HTR1D: variants seen among roughly 807,000 people sequenced by gnomAD.
The protein encoded by HTR1D is 5-HT-1D.
Under a neutral mutation model 21.1 loss-of-function variants are expected in HTR1D, and 18 were observed. That is an observed-to-expected ratio of 0.85 (90% CI 0.59 to 1.27). HTR1D has a LOEUF of 1.27. HTR1D is among the 50% of genes most tolerant of loss of function. HTR1D has a pLI of 0.00. For missense variants in HTR1D, 456 were observed against 481.4 expected (o/e 0.95, Z 0.49); for synonymous variants, 196 against 204.4 (o/e 0.96, Z 0.35).
Position 23,203,219 on chromosome 1 carries a change from TGGGTATG to T in HTR1D, c.-782-8225_-782-8219del, listed in dbSNP as rs572226555. Reference sequence around the variant, plus strand: ...CGGCCAAATCTGGAAAGTTTTAACATGGGTATGGGTGTGTGTGTACGTGTATGCATCT... The same window carrying T: ...CGGCCAAATCTGGAAAGTTTTAACATGGTGTGTGTGTACGTGTATGCATCT... On this transcript the variant is annotated intron_variant, in intron 1 of 1. Coordinates refer to ENST00000374619, the MANE Select transcript of HTR1D (RefSeq NM_000864.5). 3.9e-5 allele frequency among the ~76,000 whole-genome samples: 6 copies of T among 152,246 alleles called. No individual in the cohort carries two copies. The South Asian group carries it at 1.2e-3, about 32-fold the overall frequency.
In HTR1D at chr1:23,193,272, G is replaced by A. The variant is rs767786938; in HGVS notation, c.948C>T (p.Pro316=). 1 of 1,614,042 alleles carries A rather than the reference G, an allele frequency of 6.2e-7. No homozygotes were observed. The highest frequency in any genetic ancestry group is 1.3e-5 in the African/African-American group (1 of 74,904). The part of the protein sequence containing the change: ...ILGAFIICWL[P]FFVVSLVLPI... ...GGAGGACCAGAGACACCACGAAGAA[G>A]GGCAGCCAGCAGATGATAAAGGCCC... Residue 316 remains proline (P), a synonymous_variant, in exon 2 of 2, where the codon CCC becomes CCT. Coordinates refer to ENST00000374619, the MANE Select transcript of HTR1D (RefSeq NM_000864.5).
At chr1:23,213,441 T>C (rs1644761612) in intron 1 of HTR1D, among the ~76,000 whole-genome samples, 3 of 151,832 alleles carry the variant, frequency 2.0e-5, no homozygotes, top group South Asian at 4.2e-4. Flanking sequence ...AATCGCACCA[T>C]TGCACTCCAG....
intron 1 of HTR1D, among the ~76,000 whole-genome samples, 158 bp from the exon 2 acceptor site, chr1:23,195,159 G>A (rs1192305605): frequency 6.6e-6 from 1 of 152,182 alleles, no homozygotes; most frequent in Admixed American, 6.5e-5. Flanking sequence ...AGGGTGATGT[G>A]CCCCACCCAT....
At chr1:23,200,135 C>A (rs926976471) in intron 1 of HTR1D, among the ~76,000 whole-genome samples, 24 of 152,216 alleles carry the variant, frequency 1.6e-4, no homozygotes, top group African/African-American at 5.3e-4. Flanking sequence ...GGTCCCAGCT[C>A]TGCCACTGAC....
In HTR1D at chr1:23,194,228, G is replaced by A; in HGVS notation, c.-9C>T. 3 of 1,606,512 alleles carry A rather than the reference G, an allele frequency of 1.9e-6. No individual in the cohort carries two copies. The highest frequency in any genetic ancestry group is 1.1e-5 in the South Asian group (1 of 90,050). Reference sequence around the variant, plus strand: ...TGGTTCAGTGGGGACATGCTAGGTGGCTCTCTCTTCCCACAGACCTCCACA... The same window carrying A: ...TGGTTCAGTGGGGACATGCTAGGTGACTCTCTCTTCCCACAGACCTCCACA... On this transcript the variant is annotated 5_prime_UTR_variant, in exon 2 of 2. Coordinates refer to ENST00000374619, the MANE Select transcript of HTR1D (RefSeq NM_000864.5).
Position 23,191,977 on chromosome 1 carries a change from T to C in HTR1D, c.*1109A>G, listed in dbSNP as rs1282277755. The C allele has an allele frequency of 6.8e-6, 1 of 146,090 alleles. No individual in the cohort carries two copies. The highest frequency in any genetic ancestry group is 1.5e-5 in the Non-Finnish European group (1 of 66,398). 9.0% of individuals were successfully genotyped at this position (146,090 alleles called of 1,614,324 possible). A position where few individuals can be genotyped will look rare whatever the true frequency, so the allele number is the denominator to read the frequency against. On this transcript the variant is annotated 3_prime_UTR_variant, in exon 2 of 2. Transcript: ENST00000374619. ...CAGATCTCTAATGAGAAAGAGATGT[T>C]AAAAAAAAATTCAGAAAAAAAATTC...
In HTR1D at chr1:23,193,367, C is replaced by T. The variant is rs766373915; in HGVS notation, c.853G>A (p.Ala285Thr). ...GCAGAAATCCTCTTGCGTTCCAGGG[C>T]ACTGTCAGCAAGCTTGATTTTCACG... ...NHVKIKLADS[A>T]LERKRISAAR... is the part of the protein sequence containing the mutation. Residue 285 changes from alanine (A) to threonine (T), a missense_variant, in exon 2 of 2, where the codon GCC becomes ACC. Ala to Thr is a moderately conservative substitution (Grantham distance 58). Coordinates refer to ENST00000374619, the MANE Select transcript of HTR1D (RefSeq NM_000864.5). The T allele has an allele frequency of 6.2e-7, 1 of 1,614,148 alleles. No individual in the cohort carries two copies. Among genetic ancestry groups the T allele is most frequent in the Admixed American group, 1.7e-5 (1 of 60,018 alleles).
chr1:23,203,875 T>C lies in HTR1D; in HGVS notation c.-782-8874A>G, dbSNP rs572727704. ...TACAGTAGAACGGGGCCAGGCACAG[T>C]GGCTCATACCTATAATCCCAGCACT... On this transcript the variant is annotated intron_variant, in intron 1 of 1. Coordinates refer to ENST00000374619, the MANE Select transcript of HTR1D (RefSeq NM_000864.5). 2.6e-5 allele frequency among the ~76,000 whole-genome samples: 4 copies of C among 152,256 alleles called. No homozygotes were observed. In the East Asian group the frequency reaches 5.8e-4, roughly 22 times the overall value.
intron 1 of HTR1D, among the ~76,000 whole-genome samples, chr1:23,213,735 G>C (rs1363211348): frequency 6.6e-6 from 1 of 151,870 alleles, no homozygotes; most frequent in Non-Finnish European, 1.5e-5. Context: ...TTTTTTGTTT[G>C]TTTTTTAGAG....
chr1:23,216,297 G>T (rs1644773256), intron 1 of HTR1D, among the ~76,000 whole-genome samples: 1 of 152,248 alleles, frequency 6.6e-6, no homozygotes, highest in Non-Finnish European at 1.5e-5. Context: ...GCTGAGCTCT[G>T]GTTTGGAGCC....
At chr1:23,198,005 A>G (rs1644695928) in intron 1 of HTR1D, among the ~76,000 whole-genome samples, 1 of 151,496 alleles carries the variant, frequency 6.6e-6, no homozygotes, top group South Asian at 2.1e-4. Context: ...AGACTGAGGC[A>G]GGAGGACTGC....
At chr1:23,209,069 G>T (rs561825547) in intron 1 of HTR1D, among the ~76,000 whole-genome samples, 4 of 146,414 alleles carry the variant, frequency 2.7e-5, no homozygotes, top group Non-Finnish European at 5.9e-5. Flanking sequence ...AATCTCAGCT[G>T]ACTGCAACCT....
rs1466236592 is a variant in HTR1D at position 23,191,909 on chromosome 1, C to T, written c.*1177G>A. ...AAAGACATTACTGGCCATGATGTCT[C>T]ATGCTTTTTATTTGATAAGACTCAA... On this transcript the variant is annotated 3_prime_UTR_variant, in exon 2 of 2. Transcript: ENST00000374619. 5 of 151,982 alleles carry T rather than the reference C, an allele frequency of 3.3e-5. No individual in the cohort carries two copies. The highest frequency in any genetic ancestry group is 9.7e-5 in the African/African-American group (4 of 41,348). 9.4% of individuals were successfully genotyped at this position (151,982 alleles called of 1,614,324 possible). A position where few individuals can be genotyped will look rare whatever the true frequency, so the allele number is the denominator to read the frequency against.
At chr1:23,201,984 G>A (rs748113176) in intron 1 of HTR1D, among the ~76,000 whole-genome samples, 21 of 152,162 alleles carry the variant, frequency 1.4e-4, no homozygotes, top group African/African-American at 4.6e-4. Context: ...ATTGTGATGC[G>A]GCTTCAATGA....
chr1:23,193,917 G>T lies in HTR1D; in HGVS notation c.303C>A (p.Thr101=). 2 of 1,614,238 alleles carry T rather than the reference G, an allele frequency of 1.2e-6. No homozygotes were observed. The highest frequency in any genetic ancestry group is 1.7e-6 in the Non-Finnish European group (2 of 1,180,042). ...VMPISIAYTI[T]HTWNFGQILC... ...AGATTTGGCCAAAGTTCCAGGTGTG[G>T]GTGATGGTATAGGCGATGCTGATGG... is the stretch of plus-strand genomic sequence containing the variant. Residue 101 remains threonine, a synonymous_variant, in exon 2 of 2, where the codon ACC becomes ACA. Coordinates refer to ENST00000374619, the MANE Select transcript of HTR1D (RefSeq NM_000864.5).
chr1:23,213,783 TCCTGGGCTCCAGCAGTTTGCCCA>T (rs1361706340), intron 1 of HTR1D, among the ~76,000 whole-genome samples: 1 of 152,170 alleles, frequency 6.6e-6, no homozygotes, highest in Non-Finnish European at 1.5e-5. Flanking sequence ...AATCTCAAAC[TCCTGGGCTCCAGCAGTTTGCCCA>T]CCTGGGCTTC....
chr1:23,209,381 T>C (rs1390573012), intron 1 of HTR1D, among the ~76,000 whole-genome samples: 2 of 152,128 alleles, frequency 1.3e-5, no homozygotes, highest in Admixed American at 6.6e-5. Flanking sequence ...TATATTTCTA[T>C]TGGTCAGTCC....
intron 1 of HTR1D, among the ~76,000 whole-genome samples, chr1:23,204,237 T>C (rs1644720953): frequency 6.6e-6 from 1 of 151,724 alleles, no homozygotes; most frequent in Non-Finnish European, 1.5e-5. Flanking sequence ...GCCATTCTCC[T>C]GCCTCAGCCT....
chr1:23,207,844 C>T (rs1195235034), intron 1 of HTR1D, among the ~76,000 whole-genome samples: 1 of 149,622 alleles, frequency 6.7e-6, no homozygotes, highest in African/African-American at 2.5e-5. Flanking sequence ...TCACTGCAAC[C>T]TCCGCCCACC....
Sources: allele counts gnomAD v4.1 joint callset (sites outside exome capture counted in the v4.1 genomes callset), GRCh38; gene constraint gnomAD v4.1.1; transcripts MANE v1.5; gene names NCBI Gene and HGNC (gene_info 2026-07-23, HGNC 2026-07-21).